RAD17: variants seen among roughly 807,000 people sequenced by gnomAD.
RAD17 encodes the protein cell cycle checkpoint protein RAD17.
In RAD17, 31 loss-of-function variants were observed where a neutral mutation model predicts 81.5. That is an observed-to-expected ratio of 0.38 (90% CI 0.29 to 0.51). The LOEUF is 0.51. Among genes scored for constraint, RAD17 ranks in the 20% least tolerant of loss-of-function variants. RAD17 has a pLI of 0.88. For missense variants in RAD17, 681 were observed against 781.2 expected, an observed-to-expected ratio of 0.87 and a Z score of 1.53; for synonymous variants, 261 against 266.2, an observed-to-expected ratio of 0.98 and a Z score of 0.19.
rs568636288 is a variant in RAD17 at position 69,377,970 on chromosome 5, A to T, written c.351+3259A>T. On this transcript the variant is annotated intron_variant, in intron 6 of 18. Coordinates refer to ENST00000354868, the MANE Select transcript of RAD17 (RefSeq NM_133338.3). ...ACCGCATCTGGCTAATTAAAAAAAA[A>T]TTTTTTTGTAGAGATGGGGTCTTAT... Among the ~76,000 whole-genome samples, 667 of 151,632 alleles carry T rather than the reference A, an allele frequency of 4.4e-3. 3 individuals are homozygous for T. The highest frequency in any genetic ancestry group is 0.015 in the African/African-American group (625 of 41,326).
chr5:69,374,788 T>C (rs1763236202), intron 6 of RAD17, 77 bp downstream of exon 6: 3 of 1,235,710 alleles, frequency 2.4e-6, no homozygotes, highest in South Asian at 1.4e-5. Context: ...GAAGTTAAAG[T>C]TTTATGATGA....
At chr5:69,381,292 A>G (rs1763841694) in intron 6 of RAD17, among the ~76,000 whole-genome samples, 1 of 151,982 alleles carries the variant, frequency 6.6e-6, no homozygotes, top group Non-Finnish European at 1.5e-5. Context: ...CATCCTGGCT[A>G]ACACGGTGAA....
At chr5:69,370,009 C>T (rs1363263971) in intron 1 of RAD17, 76 bp downstream of exon 1, 1 of 398,452 alleles carries the variant, frequency 2.5e-6, no homozygotes, top group East Asian at 4.9e-5. Context: ...TCAAGCTTTC[C>T]TGGGCTCTCG....
chr5:69,382,146 C>T (rs765382624), intron 7 of RAD17, 89 bp downstream of exon 7: 1 of 1,410,442 alleles, frequency 7.1e-7, no homozygotes, highest in Non-Finnish European at 9.7e-7. Context: ...TGCATTTTTT[C>T]CCATACTTCT....
chr5:69,386,337 CATACATATTAT>C, intron 10 of RAD17, 32 bp downstream of exon 10: 1 of 1,587,166 alleles, frequency 6.3e-7, no homozygotes, highest in East Asian at 2.3e-5. Context: ...ATAAAGGTCA[CATACATATTAT>C]ATTTTTAAAT....
At chr5:69,394,305 G>T (rs1484026995) in intron 15 of RAD17, among the ~76,000 whole-genome samples, 2 of 149,286 alleles carry the variant, frequency 1.3e-5, no homozygotes, top group Non-Finnish European at 3.0e-5. Context: ...CAAGCGATCT[G>T]CCTGCCCTGG....
In RAD17 at chr5:69,371,218, C is replaced by A. The variant is rs543368546; in HGVS notation, c.-280+47C>A. Reference sequence around the variant, plus strand: ...TTTTTTTGTTTTTTTTTTTCTAATACATCATTGAGTTCATGTGAAAAACTC... The same window carrying A: ...TTTTTTTGTTTTTTTTTTTCTAATAAATCATTGAGTTCATGTGAAAAACTC... On this transcript the variant is annotated intron_variant, in intron 2 of 18. Transcript: ENST00000354868. The A allele has an allele frequency of 7.8e-5, 40 of 511,750 alleles. 1 individual carries two copies. Among genetic ancestry groups the A allele is most frequent in the South Asian group, 5.1e-4 (30 of 59,222 alleles). 31.7% of individuals were successfully genotyped at this position (511,750 alleles called of 1,614,324 possible). A position where few individuals can be genotyped will look rare whatever the true frequency, so the allele number is the denominator to read the frequency against.
intron 17 of RAD17, among the ~76,000 whole-genome samples, chr5:69,401,520 C>T (rs929355015): frequency 2.6e-5 from 4 of 152,078 alleles, no homozygotes; most frequent in East Asian, 1.9e-4. Flanking sequence ...ATTTCTGTTA[C>T]GAAATTATAA....
At chr5:69,387,544 T>G (rs187202718) in intron 11 of RAD17, among the ~76,000 whole-genome samples, 5 of 152,152 alleles carry the variant, frequency 3.3e-5, no homozygotes, top group Non-Finnish European at 7.3e-5. Flanking sequence ...TGATGAATTA[T>G]TATGCTATTA....
rs554437272 is a variant in RAD17, at chr5:69,399,998, T to C, written c.1573-51T>C. 4.8e-6 allele frequency: 6 copies of C among 1,259,238 alleles called. No homozygotes were observed. The East Asian group carries it at 1.6e-4, about 33-fold the overall frequency. 78.0% of individuals were successfully genotyped at this position (1,259,238 alleles called of 1,614,324 possible). A position where few individuals can be genotyped will look rare whatever the true frequency, so the allele number is the denominator to read the frequency against. On this transcript the variant is annotated intron_variant, in intron 16 of 18. Coordinates refer to ENST00000354868, the MANE Select transcript of RAD17 (RefSeq NM_133338.3). The stretch of plus-strand genomic sequence containing the variant: ...TAAACTTAGTTTGTCTAGGAATACA[T>C]ATTTTTAATTTCATTTTTCCTTTCA...
intron 7 of RAD17, among the ~76,000 whole-genome samples, chr5:69,383,709 A>G (rs965373280): frequency 6.6e-6 from 1 of 152,010 alleles, no homozygotes; most frequent in Non-Finnish European, 1.5e-5. Context: ...TTAAGAGAGA[A>G]AGTCTCACTA....
In RAD17 at chr5:69,414,189, A is replaced by G. The variant is rs1766231795; in HGVS notation, c.1910A>G (p.Asn637Ser). The change falls in exon 19 of 19, where the codon AAT becomes AGT. Residue 637 changes from asparagine (N) to serine (S), a missense_variant. Physicochemically the swap from Asn to Ser is conservative, Grantham distance 46 (BLOSUM62 1). Coordinates refer to ENST00000354868, the MANE Select transcript of RAD17 (RefSeq NM_133338.3). ...PETWSLPLSQNSASELPASQP... is the reference protein window; with the variant it reads ...PETWSLPLSQSSASELPASQP... ...ACCTGGTCTCTTCCTTTGAGTCAGA[A>G]TAGTGCCAGTGAACTGCCTGCTAGC... 6.2e-7 allele frequency: 1 copy of G among 1,614,122 alleles called. No individual in the cohort carries two copies. Among genetic ancestry groups the G allele is most frequent in the African/African-American group, 1.3e-5 (1 of 74,948 alleles).
chr5:69,413,392 T>C (rs1400997491), intron 18 of RAD17, among the ~76,000 whole-genome samples: 1 of 152,092 alleles, frequency 6.6e-6, no homozygotes, highest in Non-Finnish European at 1.5e-5. Flanking sequence ...TAAACTGAGA[T>C]TGCACCACTG....
chr5:69,403,931 C>T (rs1650237660), intron 17 of RAD17, among the ~76,000 whole-genome samples: 1 of 130,622 alleles, frequency 7.7e-6, no homozygotes, highest in African/African-American at 2.5e-5. Context: ...ATGAGACCCT[C>T]TCCAAAAAAA....
In RAD17 at chr5:69,414,484, T is replaced by G; in HGVS notation, c.*192T>G. The G allele has an allele frequency of 1.4e-6, 1 of 706,248 alleles. No individual in the cohort carries two copies. Among genetic ancestry groups the G allele is most frequent in the Middle Eastern group, 4.0e-4 (1 of 2,474 alleles). The allele number at this position is 706,248 out of a possible 1,614,324, so 43.7% of individuals were successfully genotyped here. ...GTAAATAGAAGATCAAGCCTTCAAA[T>G]CTCTTAATTTTTTCGGTATTTATTA... On this transcript the variant is annotated 3_prime_UTR_variant, in exon 19 of 19. Coordinates refer to ENST00000354868, the MANE Select transcript of RAD17 (RefSeq NM_133338.3).
intron 6 of RAD17, among the ~76,000 whole-genome samples, chr5:69,381,514 G>A (rs1024360226): frequency 1.2e-4 from 18 of 151,886 alleles, no homozygotes; most frequent in Non-Finnish European, 2.4e-4. Context: ...ATGAGTTCAG[G>A]TAACCTCTAA....
rs1183524027 is a variant in RAD17 at position 69,377,559 on chromosome 5, G to GTA, written c.351+2858_351+2859dup. 9.7e-4 allele frequency among the ~76,000 whole-genome samples: 10 copies of GTA among 10,260 alleles called. 3 individuals are homozygous for GTA. Among genetic ancestry groups the GTA allele is most frequent in the East Asian group, 3.2e-3 (1 of 310 alleles). The allele number at this position is 10,260 out of a possible 152,430, so 6.7% of individuals were successfully genotyped here. A position where few individuals can be genotyped will look rare whatever the true frequency, so the allele number is the denominator to read the frequency against. ...TATACGTATATATATGCATATATATGTATATATATATGCATATATATGTAT... is the reference window on the plus strand; with the variant it reads ...TATACGTATATATATGCATATATATGTATATATATATATGCATATATATGTAT... On this transcript the variant is annotated intron_variant, in intron 6 of 18. Transcript: ENST00000354868.
intron 8 of RAD17, 76 bp downstream of exon 8, chr5:69,385,009 G>T: frequency 7.8e-7 from 1 of 1,278,978 alleles, no homozygotes; most frequent in Non-Finnish European, 1.0e-6. Context: ...ACCCAGGCTG[G>T]AGTGCAGTGG....
intron 7 of RAD17, among the ~76,000 whole-genome samples, chr5:69,383,166 A>G (rs1252467790): frequency 6.6e-6 from 1 of 152,076 alleles, no homozygotes; most frequent in Non-Finnish European, 1.5e-5. Flanking sequence ...TATCTTTCAT[A>G]GTTTTTCATA....
Sources: gnomAD v4.1 joint callset for allele counts (sites outside exome capture counted in the v4.1 genomes callset) on GRCh38, gnomAD v4.1.1 for gene constraint, MANE v1.5 for transcripts, NCBI Gene and HGNC (gene_info 2026-07-23, HGNC 2026-07-21) for gene names.